Variants in MTUS2 observed in about 807,000 individuals in gnomAD.
MTUS2 encodes microtubule associated scaffold protein 2, also known as microtubule-associated tumor suppressor candidate 2.
MTUS2 carries 40 observed loss-of-function variants against 114.1 expected under a neutral mutation model. That is an observed-to-expected ratio of 0.35 (90% confidence interval 0.27 to 0.46). The LOEUF (loss-of-function observed/expected upper bound fraction) is 0.46, where lower values mean the gene tolerates loss of function less well. Among genes scored for constraint, MTUS2 ranks in the 20% least tolerant of loss-of-function variants. MTUS2 has a pLI of 1.00. For missense variants in MTUS2, 1,679 were observed against 1,705.4 expected, an observed-to-expected ratio of 0.98 and a Z score of 0.27; for synonymous variants, 688 against 672.0, an observed-to-expected ratio of 1.02 and a Z score of -0.37.
At chr13:28,854,764 G>C (rs1876513030) in intron 2 of MTUS2, among the ~76,000 whole-genome samples, 1 of 152,170 alleles carries the variant, frequency 6.6e-6, no homozygotes, top group South Asian at 2.1e-4. Context: ...CTAGCCAGTA[G>C]AATCTGATCA....
chr13:28,986,184 A>T (rs1042832950), intron 2 of MTUS2, among the ~76,000 whole-genome samples: 1 of 151,894 alleles, frequency 6.6e-6, no homozygotes, highest in Non-Finnish European at 1.5e-5. Flanking sequence ...GGCAGGAAGG[A>T]GAATGGGCCT....
intron 5 of MTUS2, among the ~76,000 whole-genome samples, chr13:29,118,424 A>G (rs1891176386): frequency 6.6e-6 from 1 of 152,188 alleles, no homozygotes; most frequent in African/African-American, 2.4e-5. Flanking sequence ...CACTGAATGT[A>G]GCACCATGGC....
intron 4 of MTUS2, among the ~76,000 whole-genome samples, chr13:29,093,542 A>G (rs893741210): frequency 3.3e-5 from 5 of 152,164 alleles, no homozygotes; most frequent in African/African-American, 1.2e-4. Context: ...TGTTATCTTA[A>G]TTTTATTTTT....
At chr13:29,085,352 C>G (rs1428572359) in intron 4 of MTUS2, among the ~76,000 whole-genome samples, 2 of 152,142 alleles carry the variant, frequency 1.3e-5, no homozygotes, top group Non-Finnish European at 2.9e-5. Context: ...TTGTATGTCA[C>G]TGAAGTTTGA....
intron 4 of MTUS2, among the ~76,000 whole-genome samples, chr13:29,057,068 G>GTA (rs1888167658): frequency 6.6e-6 from 1 of 151,862 alleles, no homozygotes; most frequent in Non-Finnish European, 1.5e-5. Flanking sequence ...TTTACCTAGA[G>GTA]GTCATTCAGG....
In MTUS2 at chr13:28,906,483, TC is replaced by T. The variant is rs557798910; in HGVS notation, c.-243+66634del. Among the ~76,000 whole-genome samples, 329 of 151,578 alleles carry T rather than the reference TC, an allele frequency of 2.2e-3. 11 individuals are homozygous for T. The highest frequency in any genetic ancestry group is 7.8e-3 in the African/African-American group (320 of 41,062). Reference sequence around the variant, plus strand: ...TTGTTCTCGTTAGTTTCAAAGAACATCTTTATTTCTGCCTTCATTTCGTTAT... The same window carrying T: ...TTGTTCTCGTTAGTTTCAAAGAACATTTTATTTCTGCCTTCATTTCGTTAT... On this transcript the variant is annotated intron_variant, in intron 2 of 15. Transcript: ENST00000612955.
chr13:29,130,542 C>T (rs1433279156), intron 5 of MTUS2, among the ~76,000 whole-genome samples: 1 of 152,156 alleles, frequency 6.6e-6, no homozygotes, highest in Non-Finnish European at 1.5e-5. Context: ...GCACACTCAG[C>T]CCTCTTCTAT....
chr13:28,948,441 A>T (rs2138163039), intron 2 of MTUS2, among the ~76,000 whole-genome samples: 1 of 152,220 alleles, frequency 6.6e-6, no homozygotes, highest in Non-Finnish European at 1.5e-5. Flanking sequence ...AATAGAATGG[A>T]CTATTTTGCT....
At chr13:28,992,390 G>A (rs907627670) in intron 2 of MTUS2, among the ~76,000 whole-genome samples, 2 of 152,156 alleles carry the variant, frequency 1.3e-5, no homozygotes, top group Non-Finnish European at 1.5e-5. Flanking sequence ...GAGGACTGCC[G>A]GAGGGAGGAG....
At chr13:29,000,590 T>C (rs1419810414) in intron 2 of MTUS2, among the ~76,000 whole-genome samples, 3 of 152,154 alleles carry the variant, frequency 2.0e-5, no homozygotes, top group African/African-American at 4.8e-5. Context: ...GGTCTCAAAC[T>C]CCTGACCTCA....
At chr13:29,292,523 G>C (rs1321267857) in intron 6 of MTUS2, among the ~76,000 whole-genome samples, 1 of 152,154 alleles carries the variant, frequency 6.6e-6, no homozygotes, top group Non-Finnish European at 1.5e-5. Context: ...TTGTAATCTA[G>C]TAATTAGAGT....
chr13:29,366,111 G>A (rs1383819934), intron 8 of MTUS2, among the ~76,000 whole-genome samples: 1 of 152,148 alleles, frequency 6.6e-6, no homozygotes, highest in African/African-American at 2.4e-5. Context: ...GACTCTGTGG[G>A]TTGTTCTATT....
intron 5 of MTUS2, among the ~76,000 whole-genome samples, chr13:29,167,224 A>T (rs1032483262): frequency 6.6e-6 from 1 of 151,978 alleles, no homozygotes; most frequent in Non-Finnish European, 1.5e-5. Flanking sequence ...AAATACAAAA[A>T]ATTAGCCGGG....
At chr13:29,151,913 G>T (rs1892676820) in intron 5 of MTUS2, among the ~76,000 whole-genome samples, 1 of 152,104 alleles carries the variant, frequency 6.6e-6, no homozygotes, top group Non-Finnish European at 1.5e-5. Context: ...CCTTTTTGAT[G>T]GGCTGCTGGA....
At chr13:28,928,171 A>G (rs1316549476) in intron 2 of MTUS2, among the ~76,000 whole-genome samples, 1 of 152,170 alleles carries the variant, frequency 6.6e-6, no homozygotes, top group African/African-American at 2.4e-5. Context: ...TTGCATAAAT[A>G]TAGCAGGACA....
intron 2 of MTUS2, among the ~76,000 whole-genome samples, chr13:29,015,741 A>G (rs766158532): frequency 2.0e-5 from 3 of 152,218 alleles, no homozygotes; most frequent in Non-Finnish European, 4.4e-5. Flanking sequence ...TGATTATTAA[A>G]CATGATGAAG....
Position 29,026,136 on chromosome 13 carries a change from A to C in MTUS2, c.1438A>C (p.Lys480Gln), listed in dbSNP as rs755696988. ...LVFNPSVGEN[K>Q]TEVPEPLDPQ... ...GTTCAATCCTTCTGTTGGAGAGAAC[A>C]AGACGGAGGTGCCTGAGCCCCTGGA... Residue 480 changes from lysine (K) to glutamine (Q), a missense_variant, in exon 3 of 16, where the codon AAG becomes CAG. Lys to Gln is a moderately conservative substitution (Grantham distance 53). Around this residue, in one of 3 missense-constraint regions of MTUS2, gnomAD observed 843 missense variants for 770.8 expected, o/e 1.09. Transcript: ENST00000612955. 226 of 1,613,910 alleles carry C rather than the reference A, an allele frequency of 1.4e-4. No homozygotes were observed. The highest frequency in any genetic ancestry group is 1.8e-4 in the Non-Finnish European group (216 of 1,179,896).
rs139665860 is a variant in MTUS2, at chr13:29,496,878, G to A, written c.3580-360G>A. Among the ~76,000 whole-genome samples the A allele has an allele frequency of 2.6e-3, 390 of 152,226 alleles. 1 individual carries two copies. The highest frequency in any genetic ancestry group is 8.4e-3 in the African/African-American group (347 of 41,530). ...TACATCTTTGAAATACATTCATCGC[G>A]GTCCTTCCCAAAGCCAGGGGCTAGG... On this transcript the variant is annotated intron_variant, in intron 12 of 15. Coordinates refer to ENST00000612955, the MANE Select transcript of MTUS2 (RefSeq NM_001033602.4). This position sits in a 1 kb window ranked among gnomAD's most constrained non-coding sequence, Gnocchi z 4.3.
intron 2 of MTUS2, among the ~76,000 whole-genome samples, chr13:28,902,454 C>T (rs1879701307): frequency 6.6e-6 from 1 of 151,900 alleles, no homozygotes; most frequent in South Asian, 2.1e-4. Flanking sequence ...TATAATGTCC[C>T]CTGTAGGTTT....
Sources: allele counts gnomAD v4.1 joint callset (sites outside exome capture counted in the v4.1 genomes callset), GRCh38; gene constraint gnomAD v4.1.1; regional missense constraint gnomAD v4.1.1; non-coding constraint Gnocchi (gnomAD v3.1); transcripts MANE v1.5; gene names NCBI Gene and HGNC (gene_info 2026-07-23, HGNC 2026-07-21).